The following CECR2 variants were observed in gnomAD, a reference collection of about 807,000 sequenced individuals.
CECR2 encodes chromatin remodeling regulator CECR2.
Under a neutral mutation model 154.5 loss-of-function variants are expected in CECR2, and 30 were observed. The ratio of observed to expected loss-of-function variants is 0.19; its 90% CI spans 0.15 to 0.26. The LOEUF (loss-of-function observed/expected upper bound fraction) is 0.26, where lower values mean the gene tolerates loss of function less well. Ranked by LOEUF, CECR2 falls within the 10% of genes least tolerant of loss-of-function variation. The probability of loss-of-function intolerance (pLI) is 1.00; values close to 1 mark genes in which losing one functional copy is unlikely to be tolerated. For missense variants in CECR2, 1,743 were observed against 1,829.3 expected (o/e 0.95, Z 0.86); for synonymous variants, 725 against 683.7 (o/e 1.06, Z -0.94).
At chr22:17,417,349 G>A (rs1346741107) in intron 1 of CECR2, among the ~76,000 whole-genome samples, 2 of 152,140 alleles carry the variant, frequency 1.3e-5, no homozygotes, top group Admixed American at 6.5e-5. Context: ...GGTTAAAGGT[G>A]TTATTGCTAC....
At chr22:17,515,698 C>T (rs112351079) in intron 8 of CECR2, among the ~76,000 whole-genome samples, 8,675 of 144,454 alleles carry the variant, frequency 0.06, 613 homozygotes, top group African/African-American at 0.17. Flanking sequence ...TTTTTTGAGA[C>T]GGAGTCTCGC....
intron 1 of CECR2, among the ~76,000 whole-genome samples, chr22:17,453,427 A>C (rs2054803690): frequency 6.6e-6 from 1 of 152,088 alleles, no homozygotes; most frequent in African/African-American, 2.4e-5. Flanking sequence ...GGGCAACAAG[A>C]GCGAAATTCC....
chr22:17,513,369 C>T (rs1408705577), intron 8 of CECR2, among the ~76,000 whole-genome samples: 7 of 152,264 alleles, frequency 4.6e-5, no homozygotes, highest in African/African-American at 1.4e-4. Context: ...TGTTACGTTA[C>T]GGAGCCTTCC....
intron 1 of CECR2, among the ~76,000 whole-genome samples, chr22:17,460,170 C>G (rs562524469): frequency 1.5e-3 from 224 of 152,276 alleles, no homozygotes; most frequent in African/African-American, 4.9e-3. Flanking sequence ...TATACACTTG[C>G]AACTTTGAAG....
Position 17,542,397 on chromosome 22 carries a change from T to G in CECR2, c.2254T>G (p.Ser752Ala), listed in dbSNP as rs765393163. 1.9e-6 allele frequency: 3 copies of G among 1,613,668 alleles called. No homozygotes were observed. The highest frequency in any genetic ancestry group is 2.5e-6 in the Non-Finnish European group (3 of 1,179,852). Reference protein sequence around the residue: ...PARPPDFPESSEIPPSHMYRS... With the variant: ...PARPPDFPESAEIPPSHMYRS... Reference sequence around the variant, plus strand: ...CCGGCCACCAGACTTTCCTGAAAGCTCAGAAATTCCTCCCAGCCATATGTA... The same window carrying G: ...CCGGCCACCAGACTTTCCTGAAAGCGCAGAAATTCCTCCCAGCCATATGTA... Residue 752 changes from serine (S) to alanine (A), a missense_variant, in exon 16 of 19, where the codon TCA becomes GCA. Around this residue, in one of 4 missense-constraint regions of CECR2, gnomAD observed 1,250 missense variants for 1,192.1 expected, o/e 1.05. Transcript: ENST00000262608.
At chr22:17,455,686 T>C (rs2054842414) in intron 1 of CECR2, among the ~76,000 whole-genome samples, 1 of 152,250 alleles carries the variant, frequency 6.6e-6, no homozygotes, top group Admixed American at 6.5e-5. Context: ...CAATCTCGGC[T>C]CACTGCAACC....
intron 1 of CECR2, among the ~76,000 whole-genome samples, chr22:17,361,692 G>A (rs1427585499): frequency 6.6e-6 from 1 of 151,054 alleles, no homozygotes; most frequent in South Asian, 2.1e-4. Flanking sequence ...GCAGTGAGCC[G>A]AGATTGAGCC....
At chr22:17,472,975 G>T (rs1180270045) in intron 1 of CECR2, among the ~76,000 whole-genome samples, 1 of 152,134 alleles carries the variant, frequency 6.6e-6, no homozygotes. Context: ...TGTTCCCGCT[G>T]CTGTGAGAGG....
At chr22:17,531,202 CA>C (rs202145618) in intron 9 of CECR2, among the ~76,000 whole-genome samples, 3 of 150,288 alleles carry the variant, frequency 2.0e-5, no homozygotes, top group South Asian at 4.2e-4. Flanking sequence ...AGTTAGAAAA[CA>C]AAAAAAAAGG....
chr22:17,378,872 T>C (rs1037216022), intron 1 of CECR2, among the ~76,000 whole-genome samples: 1 of 152,192 alleles, frequency 6.6e-6, no homozygotes, highest in Admixed American at 6.5e-5. Context: ...TATGGAAATT[T>C]AAGGAAGTTA....
At position 17,548,333 on chromosome 22, in the gene CECR2, T is replaced by C; in HGVS notation, c.3046T>C (p.Cys1016Arg). 6.2e-7 allele frequency: 1 copy of C among 1,611,828 alleles called. No homozygotes were observed. The highest frequency in any genetic ancestry group is 8.5e-7 in the Non-Finnish European group (1 of 1,179,040). The part of the protein sequence containing the change: ...KSSSSESADN[C>R]KAMKGKNPWP... ...CAGCTCCTCCGAATCTGCGGACAAC[T>C]GTAAAGCAATGAAGGGCAAGAATCC... Residue 1016 changes from cysteine to arginine, a missense_variant, in exon 17 of 19, where the codon TGT (cysteine) becomes CGT (arginine). Around this residue, in one of 4 missense-constraint regions of CECR2, gnomAD observed 1,250 missense variants for 1,192.1 expected, o/e 1.05. Transcript: ENST00000262608.
At chr22:17,360,038 G>A (rs573519143) in intron 1 of CECR2, 17 of 152,178 alleles carry the variant, frequency 1.1e-4, no homozygotes, top group Non-Finnish European at 2.2e-4. Flanking sequence ...GTGGAACTTG[G>A]TGATATGAAA....
intron 1 of CECR2, among the ~76,000 whole-genome samples, chr22:17,466,119 G>A (rs1040789373): frequency 6.6e-6 from 1 of 150,580 alleles, no homozygotes; most frequent in Non-Finnish European, 1.5e-5. Context: ...CCGCCTCCAG[G>A]GTTTAAATTT....
intron 1 of CECR2, among the ~76,000 whole-genome samples, chr22:17,380,008 T>C (rs1220685366): frequency 6.6e-6 from 1 of 152,160 alleles, no homozygotes; most frequent in African/African-American, 2.4e-5. Flanking sequence ...AGACCCTGTG[T>C]CTTGTTTTTT....
Position 17,537,199 on chromosome 22 carries a change from C to G in CECR2, c.1205C>G (p.Ser402Cys). The change falls in exon 10 of 19, where the codon TCC becomes TGC. Residue 402 changes from serine (S) to cysteine (C), a missense_variant. Transcript: ENST00000262608. ...PPELSHLDPN[S>C]PMREEKKTKD... is the part of the protein sequence containing the mutation. Reference sequence around the variant, plus strand: ...GAACTTTCCCATCTGGACCCCAATTCCCCCATGAGAGAGGAAAAAAAGACT... The same window carrying G: ...GAACTTTCCCATCTGGACCCCAATTGCCCCATGAGAGAGGAAAAAAAGACT... 6.2e-7 allele frequency: 1 copy of G among 1,613,894 alleles called. No individual in the cohort carries two copies. The highest frequency in any genetic ancestry group is 1.3e-5 in the African/African-American group (1 of 75,032).
chr22:17,544,492 C>G (rs1200558294), intron 16 of CECR2, among the ~76,000 whole-genome samples: 1 of 93,012 alleles, frequency 1.1e-5, no homozygotes, highest in Non-Finnish European at 2.0e-5. Context: ...AGCGAGACTC[C>G]ATCTCAAAAA....
intron 1 of CECR2, among the ~76,000 whole-genome samples, chr22:17,381,968 A>G (rs1407564683): frequency 3.3e-5 from 5 of 150,944 alleles, no homozygotes; most frequent in African/African-American, 4.9e-5. Flanking sequence ...GCTCACTGCG[A>G]GCTCCGCCTC....
chr22:17,394,192 C>T (rs5746360), intron 1 of CECR2, among the ~76,000 whole-genome samples: 73,564 of 125,376 alleles, frequency 0.59, 23,211 homozygotes, highest in African/African-American at 0.74. Context: ...CAGCTGCTGC[C>T]GCTGCTTTTT....
chr22:17,492,897 A>G (rs1017525919), intron 2 of CECR2, among the ~76,000 whole-genome samples: 2 of 150,464 alleles, frequency 1.3e-5, no homozygotes, highest in Admixed American at 6.6e-5. Flanking sequence ...TGAGAAGCTT[A>G]AAAATATGTA....
Sources: gnomAD v4.1 joint callset for allele counts (sites outside exome capture counted in the v4.1 genomes callset) on GRCh38, gnomAD v4.1.1 for gene constraint, gnomAD v4.1.1 regional missense constraint, MANE v1.5 for transcripts, NCBI Gene and HGNC (gene_info 2026-07-23, HGNC 2026-07-21) for gene names.